MYO1F: variants seen among roughly 807,000 people sequenced by gnomAD.
MYO1F encodes unconventional myosin-If.
Under a neutral mutation model 146.6 loss-of-function variants are expected in MYO1F, and 60 were observed. The ratio of observed to expected loss-of-function variants is 0.41; its 90% CI spans 0.33 to 0.51. MYO1F has a LOEUF of 0.51. Ranked by LOEUF, MYO1F falls within the 20% of genes least tolerant of loss-of-function variation. MYO1F has a pLI of 0.25. For synonymous variants in MYO1F, 602 were observed against 602.1 expected, an observed-to-expected ratio of 1.00 and a Z score of 0.00; for missense variants, 1,274 against 1,534.3, an observed-to-expected ratio of 0.83 and a Z score of 2.83.
chr19:8,522,134 T>C (rs1187121771), intron 27 of MYO1F, among the ~76,000 whole-genome samples: 1 of 151,920 alleles, frequency 6.6e-6, no homozygotes, highest in Non-Finnish European at 1.5e-5. Flanking sequence ...GCCATTCTCC[T>C]GCCTCAGCCT....
intron 1 of MYO1F, among the ~76,000 whole-genome samples, chr19:8,570,413 C>T (rs1353234377): frequency 1.3e-5 from 2 of 151,180 alleles, no homozygotes; most frequent in Non-Finnish European, 2.9e-5. Context: ...TCTTGTTGCT[C>T]AGTCTGTGAG....
Position 8,544,357 on chromosome 19 carries a change from C to T in MYO1F, c.1464G>A (p.Gly488=), listed in dbSNP as rs753284693. 29 of 1,613,034 alleles carry T rather than the reference C, an allele frequency of 1.8e-5. No individual in the cohort carries two copies. The South Asian group carries it at 3.0e-4, about 16-fold the overall frequency. Residue 488 remains glycine, a synonymous_variant, in exon 14 of 28, where the codon GGG becomes GGA. Transcript: ENST00000644032. The part of the protein sequence containing the change: ...TLLQKLQAAV[G]THEHFNSWSA... Reference sequence around the variant, plus strand: ...TCCAGCTGTTGAAATGCTCGTGGGTCCCCACAGCCGCCTGCAGCTTCTGCA... The same window carrying T: ...TCCAGCTGTTGAAATGCTCGTGGGTTCCCACAGCCGCCTGCAGCTTCTGCA...
rs140781856 is a variant in MYO1F at position 8,529,164 on chromosome 19, A to C, written c.2328+1032T>G. Reference sequence around the variant, plus strand: ...CAAGGTAGGTGAGGGTGTCCAGGCCATATGAGACTATCCATCCAGGTAAAG... The same window carrying C: ...CAAGGTAGGTGAGGGTGTCCAGGCCCTATGAGACTATCCATCCAGGTAAAG... On this transcript the variant is annotated intron_variant, in intron 21 of 27. Coordinates refer to ENST00000644032, the MANE Select transcript of MYO1F (RefSeq NM_012335.4). Among the ~76,000 whole-genome samples, 5 of 152,266 alleles carry C rather than the reference A, an allele frequency of 3.3e-5. No homozygotes were observed. In the East Asian group the frequency reaches 9.6e-4, roughly 29 times the overall value.
intron 21 of MYO1F, among the ~76,000 whole-genome samples, chr19:8,528,809 G>A (rs1972368560): frequency 1.3e-5 from 2 of 152,028 alleles, no homozygotes; most frequent in Admixed American, 1.3e-4. Flanking sequence ...AGGTAAATAG[G>A]AGTATCTGGA....
chr19:8,535,941 A>G (rs1264271996), intron 19 of MYO1F, among the ~76,000 whole-genome samples: 1 of 151,942 alleles, frequency 6.6e-6, no homozygotes, highest in Non-Finnish European at 1.5e-5. Context: ...TCAGCCTCCC[A>G]AAGTGCTGGG....
chr19:8,548,883 C>T (rs921652196), intron 10 of MYO1F, among the ~76,000 whole-genome samples: 9 of 150,898 alleles, frequency 6.0e-5, no homozygotes, highest in South Asian at 2.1e-4. Context: ...CCACTGCGCC[C>T]GGCCTTGCAC....
chr19:8,543,488 T>C (rs562799875), intron 14 of MYO1F, among the ~76,000 whole-genome samples: 23 of 151,986 alleles, frequency 1.5e-4, no homozygotes, highest in African/African-American at 4.3e-4. Context: ...ATGACTCACA[T>C]TGGGGCTTAT....
chr19:8,547,126 C>T (rs1973392520), intron 12 of MYO1F, among the ~76,000 whole-genome samples: 1 of 151,522 alleles, frequency 6.6e-6, no homozygotes, highest in African/African-American at 2.4e-5. Flanking sequence ...AGTGAAACAC[C>T]AACTCTACAA....
At position 8,577,116 on chromosome 19, in the gene MYO1F, A is replaced by G. The variant is rs2042251921; in HGVS notation, c.3+191T>C. 1.4e-6 allele frequency: 1 copy of G among 692,252 alleles called. No individual in the cohort carries two copies. Among genetic ancestry groups the G allele is most frequent in the South Asian group, 1.7e-5 (1 of 60,058 alleles). 42.9% of individuals were successfully genotyped at this position (692,252 alleles called of 1,614,324 possible). ...TACCACCCTGGCATCCCCACCACCT[A>G]CAGATGGGAGCTTGCTCCCTGGTAA... On this transcript the variant is annotated intron_variant, in intron 1 of 27. Transcript: ENST00000644032. This position sits in a 1 kb window ranked among gnomAD's most constrained non-coding sequence, Gnocchi z 4.3.
rs1303905779 is a variant in MYO1F, at chr19:8,551,734, G to GCTCACCAGAGT, written c.766_771+5dup. 12 of 1,614,038 alleles carry GCTCACCAGAGT rather than the reference G, an allele frequency of 7.4e-6. No individual in the cohort carries two copies. The highest frequency in any genetic ancestry group is 1.0e-5 in the Non-Finnish European group (12 of 1,180,042). On this transcript the variant is annotated splice_donor_region_variant and intron_variant, in intron 8 of 27. Coordinates refer to ENST00000644032, the MANE Select transcript of MYO1F (RefSeq NM_012335.4). ...GCCGGGGACTGGAGTAGAGGCCGGT[G>GCTCACCAGAGT]CTCACCAGAGTCTCACCAAAGTCGC...
chr19:8,555,640 C>G lies in MYO1F; in HGVS notation c.141+19G>C. On this transcript the variant is annotated intron_variant, in intron 2 of 27. Coordinates refer to ENST00000644032, the MANE Select transcript of MYO1F (RefSeq NM_012335.4). ...CATTCCTTCCCTGCCTGCCCACCCC[C>G]AGCCTTGGCCCAGGGTACGAAGATG... is the stretch of plus-strand genomic sequence containing the variant. The G allele has an allele frequency of 6.2e-7, 1 of 1,614,064 alleles. No individual in the cohort carries two copies. The highest frequency in any genetic ancestry group is 8.5e-7 in the Non-Finnish European group (1 of 1,179,998).
In MYO1F at chr19:8,521,543, G is replaced by C; in HGVS notation, c.3282C>G (p.Tyr1094Ter). 1 of 1,614,164 alleles carries C rather than the reference G, an allele frequency of 6.2e-7. No individual in the cohort carries two copies. Among genetic ancestry groups the C allele is most frequent in the East Asian group, 2.2e-5 (1 of 44,882 alleles). The change falls in exon 28 of 28, where the codon TAC (tyrosine) becomes TAG (stop). Residue 1094 changes from tyrosine (Y) to a stop codon, truncating the protein, a stop_gained. Transcript: ENST00000644032. LOFTEE classifies it high-confidence loss of function. ...AGGGCCCAGCTCAGATCTTCTCCACGTAGTTTCCTGGGAAAAGGCCCTCCT... is the reference window on the plus strand; with the variant it reads ...AGGGCCCAGCTCAGATCTTCTCCACCTAGTTTCCTGGGAAAAGGCCCTCCT... ...HGQEGLFPGN[Y>*]VEKI
At chr19:8,562,104 G>A (rs565776556) in intron 1 of MYO1F, among the ~76,000 whole-genome samples, 15 of 150,568 alleles carry the variant, frequency 1.0e-4, no homozygotes, top group Middle Eastern at 3.5e-3. Context: ...GCACAATCTC[G>A]GCTCACTGCA....
intron 14 of MYO1F, 103 bp downstream of exon 14, chr19:8,544,194 T>C (rs1420223312): frequency 7.9e-7 from 1 of 1,262,586 alleles, no homozygotes; most frequent in African/African-American, 1.5e-5. Flanking sequence ...ATAAGGGTCC[T>C]AGCAGGCTCT....
At chr19:8,529,618 T>G (rs1972399405) in intron 21 of MYO1F, among the ~76,000 whole-genome samples, 1 of 148,406 alleles carries the variant, frequency 6.7e-6, no homozygotes, top group Non-Finnish European at 1.5e-5. Flanking sequence ...GAAGGTAGAG[T>G]GTACCTAATG....
At chr19:8,564,803 C>A (rs755136418) in intron 1 of MYO1F, among the ~76,000 whole-genome samples, 7 of 151,490 alleles carry the variant, frequency 4.6e-5, no homozygotes, top group Non-Finnish European at 7.4e-5. Context: ...GACAGAGTCT[C>A]GCTCTGTCAC....
chr19:8,534,170 C>G (rs1313030269), intron 19 of MYO1F, among the ~76,000 whole-genome samples: 1 of 144,492 alleles, frequency 6.9e-6, no homozygotes, highest in Non-Finnish European at 1.5e-5. Context: ...CAGAGCGAGA[C>G]TCTGTCTAAA....
chr19:8,545,790 C>T, intron 12 of MYO1F, 54 bp from the exon 13 acceptor site: 1 of 1,291,780 alleles, frequency 7.7e-7, no homozygotes. Context: ...TGTGGCCACC[C>T]TTCCCCCCAT....
Position 8,552,137 on chromosome 19 carries a change from G to T in MYO1F, c.532C>A (p.Arg178=). 6.2e-7 allele frequency: 1 copy of T among 1,614,064 alleles called. No individual in the cohort carries two copies. Among genetic ancestry groups the T allele is most frequent in the South Asian group, 1.1e-5 (1 of 91,078 alleles). Residue 178 remains arginine, a synonymous_variant, in exon 7 of 28, where the codon CGA becomes AGA. Transcript: ENST00000644032. ...TTGCCCCCATCTGGCTCCCCACCTCGGCTGAACTGGATCTCAAAGTACTTG... is the reference window on the plus strand; with the variant it reads ...TTGCCCCCATCTGGCTCCCCACCTCTGCTGAACTGGATCTCAAAGTACTTG... ...FGKYFEIQFS[R]GGEPDGGKIS...
Sources: gnomAD v4.1 joint callset for allele counts (sites outside exome capture counted in the v4.1 genomes callset) on GRCh38, gnomAD v4.1.1 for gene constraint, Gnocchi (gnomAD v3.1) non-coding constraint, MANE v1.5 for transcripts, NCBI Gene and HGNC (gene_info 2026-07-23, HGNC 2026-07-21) for gene names.